The following ACOX3 variants were observed in gnomAD, a reference collection of about 807,000 sequenced individuals.
ACOX3 encodes acyl-CoA oxidase 3, pristanoyl.
In ACOX3, 73 loss-of-function variants were observed where a neutral mutation model predicts 81.5. The observed-to-expected ratio is 0.90, with a 90% CI of 0.74 to 1.09. The LOEUF (loss-of-function observed/expected upper bound fraction) is 1.09. Among genes scored for constraint, ACOX3 ranks in the 50% least tolerant of loss-of-function variants. The pLI is 0.00. For synonymous variants in ACOX3, 387 were observed against 375.1 expected (o/e 1.03, Z -0.37); for missense variants, 947 against 928.0 (o/e 1.02, Z -0.27).
At chr4:8,411,004 A>T (rs1721660145) in intron 5 of ACOX3, among the ~76,000 whole-genome samples, 1 of 152,260 alleles carries the variant, frequency 6.6e-6, no homozygotes, top group Admixed American at 6.5e-5. Flanking sequence ...TGCATGGGTC[A>T]GAAGCGAAGA....
chr4:8,373,052 G>A (rs1479260053), intron 16 of ACOX3, among the ~76,000 whole-genome samples: 1 of 152,156 alleles, frequency 6.6e-6, no homozygotes, highest in Admixed American at 6.5e-5. Flanking sequence ...GGGGCCCTCT[G>A]ATTTCCTGGG....
chr4:8,373,366 G>C (rs926211699), intron 16 of ACOX3, among the ~76,000 whole-genome samples, 195 bp downstream of exon 16: 1 of 152,068 alleles, frequency 6.6e-6, no homozygotes, highest in Non-Finnish European at 1.5e-5. Flanking sequence ...GTCAGCTCTG[G>C]GTGATGCTAA....
chr4:8,365,238 G>T (rs896447741), downstream of ACOX3, among the ~76,000 whole-genome samples: 1 of 152,218 alleles, frequency 6.6e-6, no homozygotes, highest in Admixed American at 6.5e-5. Context: ...CACCACTGAC[G>T]TGTTCTCTGG....
chr4:8,406,120 C>T lies in ACOX3; in HGVS notation c.688-77G>A. 1 of 1,452,612 alleles carries T rather than the reference C, an allele frequency of 6.9e-7. No homozygotes were observed. The highest frequency in any genetic ancestry group is 9.6e-7 in the Non-Finnish European group (1 of 1,037,520). 90.0% of individuals were successfully genotyped at this position (1,452,612 alleles called of 1,614,324 possible). ...AATCAAAACAAATGTGTTCAGAAAC[C>T]CACAGGGTGGGCCATGGGCTCAACG... On this transcript the variant is annotated intron_variant, in intron 6 of 17. Transcript: ENST00000356406. The surrounding 1 kb of genome is among the most constrained non-coding windows in gnomAD (Gnocchi z 5.6).
chr4:8,428,856 C>T (rs1428637901), intron 1 of ACOX3, among the ~76,000 whole-genome samples: 1 of 152,200 alleles, frequency 6.6e-6, no homozygotes, highest in African/African-American at 2.4e-5. Context: ...AGGAGGATCG[C>T]TTGAGGCCAG....
rs1723146860 is a variant in ACOX3 at position 8,423,326 on chromosome 4, C to T, written c.-14-6791G>A. ...ACACCTGAACATGGGAGAAGGAACA[C>T]CGTTTGCTGTCCCCTACTTGAGGAA... On this transcript the variant is annotated intron_variant, in intron 1 of 17. Coordinates refer to ENST00000356406, the MANE Select transcript of ACOX3 (RefSeq NM_003501.3). The surrounding 1 kb of genome is among the most constrained non-coding windows in gnomAD (Gnocchi z 4.2). 6.6e-6 allele frequency among the ~76,000 whole-genome samples: 1 copy of T among 152,108 alleles called. No homozygotes were observed. Among genetic ancestry groups the T allele is most frequent in the Non-Finnish European group, 1.5e-5 (1 of 68,032 alleles).
chr4:8,413,771 CT>C (rs1344281167), intron 5 of ACOX3, among the ~76,000 whole-genome samples: 4 of 152,372 alleles, frequency 2.6e-5, no homozygotes, highest in Non-Finnish European at 5.9e-5. Context: ...CACACCAGAA[CT>C]CCCAGGCAGC....
At position 8,370,921 on chromosome 4, in the gene ACOX3, C is replaced by G; in HGVS notation, c.1970G>C (p.Arg657Thr). The G allele has an allele frequency of 6.2e-7, 1 of 1,613,958 alleles. No homozygotes were observed. The highest frequency in any genetic ancestry group is 8.5e-7 in the Non-Finnish European group (1 of 1,180,002). The part of the protein sequence containing the change: ...PDFVLDSPIG[R>T]ADGELYKNLW... ...TCCTCCCTTTACCTCGCCGTCGGCT[C>G]TGCCAATCGGTGAGTCCAGAACAAA... The change falls in exon 17 of 18, where the codon AGA (arginine) becomes ACA (threonine). Residue 657 changes from arginine to threonine, a missense_variant. Physicochemically the swap from Arg to Thr is moderately conservative, Grantham distance 71. Coordinates refer to ENST00000356406, the MANE Select transcript of ACOX3 (RefSeq NM_003501.3). The surrounding 1 kb of genome is among the most constrained non-coding windows in gnomAD (Gnocchi z 6.3).
Position 8,414,533 on chromosome 4 carries a change from G to A in ACOX3, c.454-152C>T. On this transcript the variant is annotated intron_variant, in intron 4 of 17. Coordinates refer to ENST00000356406, the MANE Select transcript of ACOX3 (RefSeq NM_003501.3). This position sits in a 1 kb window ranked among gnomAD's most constrained non-coding sequence, Gnocchi z 6.1. ...CCAACTAGTGACTTGACTGAGTCAT[G>A]CTGCCACACTCAGCTGGCAACCACA... 5 of 769,802 alleles carry A rather than the reference G, an allele frequency of 6.5e-6. No individual in the cohort carries two copies. The highest frequency in any genetic ancestry group is 4.3e-5 in the Admixed American group (2 of 46,576). The allele number at this position is 769,802 out of a possible 1,614,324, so 47.7% of individuals were successfully genotyped here.
intron 1 of ACOX3, among the ~76,000 whole-genome samples, chr4:8,433,029 A>G (rs980020183): frequency 6.6e-6 from 1 of 152,346 alleles, no homozygotes; most frequent in Non-Finnish European, 1.5e-5. Flanking sequence ...ATTATCACAG[A>G]AAGTCCTACA....
At chr4:8,376,472 C>G (rs1449563109) in intron 14 of ACOX3, among the ~76,000 whole-genome samples, 1 of 152,198 alleles carries the variant, frequency 6.6e-6, no homozygotes, top group Non-Finnish European at 1.5e-5. Context: ...CTTCCCAGAA[C>G]ACAGCAGGGT....
chr4:8,409,617 G>GCACTGTGGGCA (rs1446143559), intron 6 of ACOX3, among the ~76,000 whole-genome samples: 7 of 116,790 alleles, frequency 6.0e-5, no homozygotes, highest in Non-Finnish European at 1.3e-4. Flanking sequence ...TACTGTGGGT[G>GCACTGTGGGCA]GGGCTGTCTG....
intron 7 of ACOX3, among the ~76,000 whole-genome samples, chr4:8,403,081 A>G (rs1304661494): frequency 6.6e-6 from 1 of 152,198 alleles, no homozygotes; most frequent in Non-Finnish European, 1.5e-5. Flanking sequence ...GAAGATCTTT[A>G]TGATTTTGCT....
rs951809313 is a variant in ACOX3 at position 8,406,935 on chromosome 4, G to A, written c.688-892C>T. On this transcript the variant is annotated intron_variant, in intron 6 of 17. Transcript: ENST00000356406. This position sits in a 1 kb window ranked among gnomAD's most constrained non-coding sequence, Gnocchi z 5.6. ...AATGTCAGGCCCTCTACAAGAGGTG[G>A]AGGAGTAGAGTCTTCTCTAAACTCC... 1.3e-5 allele frequency among the ~76,000 whole-genome samples: 2 copies of A among 152,140 alleles called. No homozygotes were observed.
rs368350504 is a variant in ACOX3 at position 8,381,653 on chromosome 4, C to T, written c.1538-46G>A. The T allele has an allele frequency of 5.6e-6, 8 of 1,439,876 alleles. No individual in the cohort carries two copies. Among genetic ancestry groups the T allele is most frequent in the Middle Eastern group, 1.8e-4 (1 of 5,702 alleles). The allele number at this position is 1,439,876 out of a possible 1,614,324, so 89.2% of individuals were successfully genotyped here. A position where few individuals can be genotyped will look rare whatever the true frequency, so the allele number is the denominator to read the frequency against. On this transcript the variant is annotated intron_variant, in intron 13 of 17. Coordinates refer to ENST00000356406, the MANE Select transcript of ACOX3 (RefSeq NM_003501.3). The surrounding 1 kb of genome is among the most constrained non-coding windows in gnomAD (Gnocchi z 4.3). ...GGAGAAAAAGTAACAATAGAGAACA[C>T]AGCATTTGTCACAACTCACCCCCAG... is the stretch of plus-strand genomic sequence containing the variant.
At chr4:8,364,691 G>A (rs1715320399), downstream of ACOX3, among the ~76,000 whole-genome samples, 1 of 152,258 alleles carries the variant, frequency 6.6e-6, no homozygotes, top group Admixed American at 6.5e-5. This position sits in a 1 kb window ranked among gnomAD's most constrained non-coding sequence, Gnocchi z 5.0. Context: ...GAAGTCAAAT[G>A]TGTTTTTTTC....
intron 1 of ACOX3, among the ~76,000 whole-genome samples, chr4:8,420,534 G>A (rs568506889): frequency 3.3e-5 from 5 of 152,304 alleles, no homozygotes; most frequent in East Asian, 1.9e-4. Context: ...AAAACAGGAG[G>A]TAAAGAAATA....
intron 1 of ACOX3, among the ~76,000 whole-genome samples, chr4:8,421,353 G>C (rs1370920551): frequency 6.6e-6 from 1 of 152,240 alleles, no homozygotes; most frequent in Non-Finnish European, 1.5e-5. Context: ...GCATTGGTCT[G>C]CCTGGAACCA....
Position 8,415,946 on chromosome 4 carries a change from T to C in ACOX3, c.198A>G (p.Gly66=). ...GATACTTCTCCAAGGACAGATCGGC[T>C]CCAGGGGAACGAGCGAAAAGAGGGT... is the stretch of plus-strand genomic sequence containing the variant. ...ENDPLFARSP[G]ADLSLEKYRE... The change falls in exon 3 of 18, where the codon GGA becomes GGG. Residue 66 remains glycine (G), a synonymous_variant. Transcript: ENST00000356406. The C allele has an allele frequency of 6.2e-7, 1 of 1,614,186 alleles. No homozygotes were observed. The highest frequency in any genetic ancestry group is 8.5e-7 in the Non-Finnish European group (1 of 1,180,038).
Sources: allele counts gnomAD v4.1 joint callset (sites outside exome capture counted in the v4.1 genomes callset), GRCh38; gene constraint gnomAD v4.1.1; non-coding constraint Gnocchi (gnomAD v3.1); transcripts MANE v1.5; gene names NCBI Gene and HGNC (gene_info 2026-07-23, HGNC 2026-07-21).